The following TES variants were observed in gnomAD, a reference collection of about 807,000 sequenced individuals.
TES encodes the protein testin LIM domain protein.
TES carries 41 observed loss-of-function variants against 48.2 expected under a neutral mutation model. The ratio of observed to expected loss-of-function variants is 0.85; its 90% CI spans 0.66 to 1.10. The LOEUF (loss-of-function observed/expected upper bound fraction) is 1.10, where lower values mean the gene tolerates loss of function less well. Ranked by LOEUF, TES falls within the 50% of genes least tolerant of loss-of-function variation. The pLI is 0.00. For synonymous variants in TES, 162 were observed against 174.9 expected (o/e 0.93, Z 0.58); for missense variants, 463 against 515.1 (o/e 0.90, Z 0.98).
intron 2 of TES, among the ~76,000 whole-genome samples, chr7:116,240,967 C>T (rs1325036925): frequency 9.2e-5 from 14 of 152,180 alleles, no homozygotes; most frequent in African/African-American, 3.4e-4. Flanking sequence ...ATTGTGCTCA[C>T]CCATACTCTG....
rs557498487 is a variant in TES, at chr7:116,257,366, G to A, written c.1150G>A (p.Ala384Thr). 8 of 1,614,068 alleles carry A rather than the reference G, an allele frequency of 5.0e-6. No homozygotes were observed. Among genetic ancestry groups the A allele is most frequent in the Middle Eastern group, 1.7e-4 (1 of 6,060 alleles). Residue 384 changes from alanine to threonine, a missense_variant, in exon 7 of 7, where the codon GCA becomes ACA. By Grantham distance (58) the Ala-to-Thr change is moderately conservative (BLOSUM62 0). Transcript: ENST00000358204. Reference sequence around the variant, plus strand: ...GACCTATAACAATTTCAGCTGGCATGCATCCACAGAGTGCTTTCTGTGCTC... The same window carrying A: ...GACCTATAACAATTTCAGCTGGCATACATCCACAGAGTGCTTTCTGTGCTC... Reference protein sequence around the residue: ...RVTYNNFSWHASTECFLCSCC... With the variant: ...RVTYNNFSWHTSTECFLCSCC...
chr7:116,254,263 C>T (rs983366517), intron 6 of TES, among the ~76,000 whole-genome samples: 2 of 152,036 alleles, frequency 1.3e-5, no homozygotes, highest in African/African-American at 4.8e-5. Context: ...CTGTTCCCAA[C>T]ACTAGGACAA....
chr7:116,222,269 C>T (rs1157140303), intron 1 of TES, among the ~76,000 whole-genome samples: 1 of 152,070 alleles, frequency 6.6e-6, no homozygotes, highest in African/African-American at 2.4e-5. Context: ...AAGAGAAAAA[C>T]GAGAAGACTG....
chr7:116,252,709 G>T, intron 6 of TES: 1 of 537,734 alleles, frequency 1.9e-6, no homozygotes, highest in South Asian at 2.1e-5. Context: ...TATAGGTACT[G>T]CTTAATAATA....
chr7:116,234,072 TATA>T (rs753857692), intron 1 of TES, among the ~76,000 whole-genome samples: 24 of 152,122 alleles, frequency 1.6e-4, no homozygotes, highest in Non-Finnish European at 2.8e-4. Context: ...TTGTAGCTAT[TATA>T]ATAATATTTA....
intron 6 of TES, among the ~76,000 whole-genome samples, chr7:116,253,994 T>C (rs1416378312): frequency 5.3e-5 from 8 of 152,186 alleles, no homozygotes; most frequent in Non-Finnish European, 1.0e-4. Flanking sequence ...TTTGAGTGAC[T>C]GACTCGTGTT....
At chr7:116,248,282 A>T (rs769594690) in intron 2 of TES, among the ~76,000 whole-genome samples, 2 of 152,176 alleles carry the variant, frequency 1.3e-5, no homozygotes, top group Admixed American at 6.5e-5. Context: ...TGATAAACAT[A>T]CGGGTGCATT....
chr7:116,243,751 C>CA (rs1799883899), intron 2 of TES: 1 of 152,104 alleles, frequency 6.6e-6, no homozygotes, highest in South Asian at 2.1e-4. Context: ...TTTTATTTTT[C>CA]AAGAGACTGA....
rs1799696421 is a variant in TES at position 116,231,262 on chromosome 7, T to G, written c.28-3272T>G. ...CAGAATAAGAATATGTGGGAGACTT[T>G]AAAAGAGCAGCAGTTCATGAAATAC... is the stretch of plus-strand genomic sequence containing the variant. On this transcript the variant is annotated intron_variant, in intron 1 of 6. Transcript: ENST00000358204. 2.0e-5 allele frequency among the ~76,000 whole-genome samples: 3 copies of G among 152,182 alleles called. No individual in the cohort carries two copies. In the South Asian group the frequency reaches 6.2e-4, roughly 32 times the overall value.
At chr7:116,250,900 A>G (rs1238647110) in intron 4 of TES, among the ~76,000 whole-genome samples, 1 of 152,224 alleles carries the variant, frequency 6.6e-6, no homozygotes, top group African/African-American at 2.4e-5. Context: ...CGTGCCTAAA[A>G]TTCAAACTTA....
At chr7:116,229,318 A>T (rs1799667212) in intron 1 of TES, among the ~76,000 whole-genome samples, 1 of 152,064 alleles carries the variant, frequency 6.6e-6, no homozygotes, top group African/African-American at 2.4e-5. Context: ...CAAGATTTGG[A>T]TGTCCAAGAA....
At chr7:116,256,296 T>C (rs1250080174) in intron 6 of TES, among the ~76,000 whole-genome samples, 1 of 145,964 alleles carries the variant, frequency 6.9e-6, no homozygotes, top group African/African-American at 2.6e-5. Context: ...TGACCTCCAC[T>C]CACCTGTTCC....
intron 2 of TES, among the ~76,000 whole-genome samples, chr7:116,247,287 TA>T (rs1298218661): frequency 1.3e-5 from 2 of 152,006 alleles, no homozygotes; most frequent in Non-Finnish European, 2.9e-5. Flanking sequence ...TGTCTCTCAC[TA>T]AAAAAACAAA....
At position 116,249,075 on chromosome 7, in the gene TES, A is replaced by C. The variant is rs909427835; in HGVS notation, c.169A>C (p.Asn57His). The change falls in exon 3 of 7, where the codon AAT becomes CAT. Residue 57 changes from asparagine (N) to histidine (H), a missense_variant. Asn to His is a moderately conservative substitution (Grantham distance 68). Transcript: ENST00000358204. ...AGAAGAGCATGATGTCCTCTTGAGC[A>C]ATGAAGAGGATCGAAAAGTGGGAAA... ...GQEEHDVLLS[N>H]EEDRKVGKLF... 3 of 1,613,982 alleles carry C rather than the reference A, an allele frequency of 1.9e-6. No homozygotes were observed. Among genetic ancestry groups the C allele is most frequent in the Non-Finnish European group, 2.5e-6 (3 of 1,179,870 alleles).
chr7:116,222,565 G>A (rs2116578226), intron 1 of TES, among the ~76,000 whole-genome samples: 1 of 152,292 alleles, frequency 6.6e-6, no homozygotes, highest in South Asian at 2.1e-4. Context: ...GGTTACCCCT[G>A]AAGAAATAAT....
chr7:116,212,312 A>G (rs1442961947), intron 1 of TES, among the ~76,000 whole-genome samples: 1 of 152,250 alleles, frequency 6.6e-6, no homozygotes, highest in Non-Finnish European at 1.5e-5. Context: ...GTATGATACT[A>G]TAAAATGGCT....
At chr7:116,241,087 C>A (rs1799842220) in intron 2 of TES, among the ~76,000 whole-genome samples, 1 of 152,160 alleles carries the variant, frequency 6.6e-6, no homozygotes, top group Non-Finnish European at 1.5e-5. Context: ...TGATAAACGT[C>A]CCACTTATTC....
At position 116,252,436 on chromosome 7, in the gene TES, A is replaced by T; in HGVS notation, c.1037A>T (p.Lys346Met). The T allele has an allele frequency of 6.2e-7, 1 of 1,614,228 alleles. No individual in the cohort carries two copies. Among genetic ancestry groups the T allele is most frequent in the Non-Finnish European group, 8.5e-7 (1 of 1,180,032 alleles). Reference sequence around the variant, plus strand: ...GAGATATACGTGATGGTCAATGACAAGCCCGTGTGCAAGCCCTGCTATGTG... The same window carrying T: ...GAGATATACGTGATGGTCAATGACATGCCCGTGTGCAAGCCCTGCTATGTG... ...AGEIYVMVND[K>M]PVCKPCYVKN... Residue 346 changes from lysine (K) to methionine (M), a missense_variant, in exon 6 of 7, where the codon AAG (lysine) becomes ATG (methionine). Physicochemically the swap from Lys to Met is moderately conservative, Grantham distance 95. Coordinates refer to ENST00000358204, the MANE Select transcript of TES (RefSeq NM_015641.4).
intron 1 of TES, 133 bp from the exon 2 acceptor site, chr7:116,234,401 C>A: frequency 1.4e-6 from 1 of 709,108 alleles, no homozygotes. Context: ...TGGGTATCAT[C>A]ATTGACTAAA....
Sources: gnomAD v4.1 joint callset for allele counts (sites outside exome capture counted in the v4.1 genomes callset) on GRCh38, gnomAD v4.1.1 for gene constraint, MANE v1.5 for transcripts, NCBI Gene and HGNC (gene_info 2026-07-23, HGNC 2026-07-21) for gene names.